GABRA2: variants seen among roughly 807,000 people sequenced by gnomAD.
The protein encoded by GABRA2 is gamma-aminobutyric acid type A receptor subunit alpha2, also known as gamma-aminobutyric acid receptor subunit alpha-2.
GABRA2 carries 16 observed loss-of-function variants against 48.7 expected under a neutral mutation model. The ratio of observed to expected loss-of-function variants is 0.33; its 90% confidence interval spans 0.22 to 0.50. The LOEUF (loss-of-function observed/expected upper bound fraction) is 0.50, where lower values mean the gene tolerates loss of function less well. GABRA2 is among the 20% of genes least tolerant of loss of function. The probability of loss-of-function intolerance (pLI) is 0.98; values close to 1 mark genes in which losing one functional copy is unlikely to be tolerated. For synonymous variants in GABRA2, 185 were observed against 184.5 expected (o/e 1.00, Z -0.02); for missense variants, 275 against 535.6 (o/e 0.51, Z 4.80).
intron 8 of GABRA2, among the ~76,000 whole-genome samples, chr4:46,273,364 TTC>T (rs1028222530): frequency 4.3e-5 from 6 of 140,038 alleles, no homozygotes; most frequent in Non-Finnish European, 6.2e-5. Context: ...ACTTTCTTCT[TTC>T]TCTCTCTCTC....
chr4:46,331,276 G>A (rs1304168703), intron 4 of GABRA2, among the ~76,000 whole-genome samples: 2 of 152,092 alleles, frequency 1.3e-5, no homozygotes, highest in African/African-American at 2.4e-5. Flanking sequence ...CCAAAGAGGT[G>A]GGGATCACCC....
At chr4:46,257,732 GAGAT>G (rs1471054021) in intron 9 of GABRA2, among the ~76,000 whole-genome samples, 1 of 151,620 alleles carries the variant, frequency 6.6e-6, no homozygotes, top group African/African-American at 2.4e-5. Flanking sequence ...CAGTAATGTA[GAGAT>G]AGATAAGAAG....
chr4:46,346,293 A>G (rs1734129455), intron 3 of GABRA2, among the ~76,000 whole-genome samples: 1 of 151,730 alleles, frequency 6.6e-6, no homozygotes, highest in Admixed American at 6.6e-5. Flanking sequence ...CTAGTATCCT[A>G]CTCCCAGTAG....
intron 3 of GABRA2, among the ~76,000 whole-genome samples, chr4:46,361,682 G>T (rs781034237): frequency 9.9e-5 from 15 of 152,210 alleles, no homozygotes; most frequent in Non-Finnish European, 2.2e-4. Flanking sequence ...GCAACAGCTT[G>T]CACCATGCAA....
intron 8 of GABRA2, among the ~76,000 whole-genome samples, chr4:46,264,243 T>G (rs907870947): frequency 2.0e-5 from 3 of 152,104 alleles, no homozygotes; most frequent in African/African-American, 7.2e-5. Context: ...GTTAAGGGTC[T>G]TCTATAAATA....
At chr4:46,278,704 C>T (rs1720966909) in intron 8 of GABRA2, among the ~76,000 whole-genome samples, 1 of 151,970 alleles carries the variant, frequency 6.6e-6, no homozygotes, top group African/African-American at 2.4e-5. Context: ...AGCCCATTTC[C>T]TTATAGATTT....
chr4:46,268,373 A>T (rs931186361), intron 8 of GABRA2, among the ~76,000 whole-genome samples: 2 of 151,962 alleles, frequency 1.3e-5, no homozygotes, highest in Non-Finnish European at 2.9e-5. Flanking sequence ...TGAATTGAGA[A>T]ACAGGCAAGG....
intron 8 of GABRA2, among the ~76,000 whole-genome samples, chr4:46,293,347 T>A (rs1341360999): frequency 2.0e-5 from 3 of 152,106 alleles, no homozygotes; most frequent in Non-Finnish European, 4.4e-5. Flanking sequence ...CATTAATCTT[T>A]CTCCCATTCT....
rs571419012 is a variant in GABRA2, at chr4:46,306,316, C to T, written c.560-605G>A. Among the ~76,000 whole-genome samples the T allele has an allele frequency of 3.9e-3, 586 of 152,142 alleles. 6 individuals are homozygous for T. The highest frequency in any genetic ancestry group is 4.0e-3 in the Non-Finnish European group (272 of 68,024). On this transcript the variant is annotated intron_variant, in intron 6 of 9. Transcript: ENST00000381620. ...ATCAATGCACACAGATATCACTAGC[C>T]TACACATTCATAGCATCCCAGTTAA...
chr4:46,341,385 G>T (rs962759629), intron 3 of GABRA2, among the ~76,000 whole-genome samples: 4 of 151,920 alleles, frequency 2.6e-5, no homozygotes, highest in Non-Finnish European at 5.9e-5. Context: ...ACTCTTCAAG[G>T]TGTGTGTGCA....
intron 3 of GABRA2, among the ~76,000 whole-genome samples, chr4:46,342,323 T>C (rs1238437977): frequency 6.6e-6 from 1 of 152,036 alleles, no homozygotes; most frequent in Non-Finnish European, 1.5e-5. Flanking sequence ...GGAGCAGATT[T>C]TTGGAGGTCC....
chr4:46,336,220 T>C (rs1732212696), intron 3 of GABRA2, among the ~76,000 whole-genome samples: 1 of 152,172 alleles, frequency 6.6e-6, no homozygotes, highest in East Asian at 1.9e-4. Context: ...CCAAAATATA[T>C]CATCAACTTT....
intron 4 of GABRA2, among the ~76,000 whole-genome samples, chr4:46,313,105 T>C (rs1727927232): frequency 7.1e-6 from 1 of 141,040 alleles, no homozygotes; most frequent in African/African-American, 2.7e-5. Flanking sequence ...AGTAGGCAGC[T>C]TTCCCAGTAG....
chr4:46,280,113 A>C (rs1403748983), intron 8 of GABRA2, among the ~76,000 whole-genome samples: 1 of 152,028 alleles, frequency 6.6e-6, no homozygotes, highest in Non-Finnish European at 1.5e-5. Context: ...AAAAACAGAA[A>C]TCAAACAGAA....
chr4:46,271,731 A>T (rs144247125), intron 8 of GABRA2, among the ~76,000 whole-genome samples: 320 of 152,042 alleles, frequency 2.1e-3, no homozygotes, highest in African/African-American at 7.2e-3. Flanking sequence ...AGGAATCAAA[A>T]TTGTTCTATT....
At chr4:46,327,869 C>T (rs279846) in intron 4 of GABRA2, among the ~76,000 whole-genome samples, 62,738 of 151,826 alleles carry the variant, frequency 0.41, 13,398 homozygotes, top group East Asian at 0.56. Context: ...AAAGTTTTCA[C>T]TGTCCAAGCT....
intron 8 of GABRA2, chr4:46,303,170 T>A: frequency 3.5e-6 from 1 of 286,918 alleles, no homozygotes; most frequent in Non-Finnish European, 6.4e-6. Context: ...AAAAGAAAAT[T>A]CACCTTGTGT....
At chr4:46,324,855 A>C (rs993503814) in intron 4 of GABRA2, among the ~76,000 whole-genome samples, 1 of 151,956 alleles carries the variant, frequency 6.6e-6, no homozygotes, top group Non-Finnish European at 1.5e-5. Context: ...TGCTTAGGGA[A>C]ATGGCCTCCA....
intron 3 of GABRA2, among the ~76,000 whole-genome samples, chr4:46,355,471 C>T (rs1000474693): frequency 6.6e-6 from 1 of 152,042 alleles, no homozygotes; most frequent in African/African-American, 2.4e-5. Flanking sequence ...ATTTTTTCCC[C>T]CAGTAGACCC....
Sources: allele counts gnomAD v4.1 joint callset (sites outside exome capture counted in the v4.1 genomes callset), GRCh38; gene constraint gnomAD v4.1.1; transcripts MANE v1.5; gene names NCBI Gene and HGNC (gene_info 2026-07-23, HGNC 2026-07-21).